Variants in IFNGR2 observed in about 807,000 individuals in gnomAD.
IFNGR2 encodes IFN-gamma receptor 2.
IFNGR2 carries 15 observed loss-of-function variants against 41.1 expected under a neutral mutation model. The ratio of observed to expected loss-of-function variants is 0.37; its 90% CI spans 0.24 to 0.56. The LOEUF (loss-of-function observed/expected upper bound fraction) is 0.56, where lower values mean the gene tolerates loss of function less well. Among genes scored for constraint, IFNGR2 ranks in the 20% least tolerant of loss-of-function variants. The pLI is 0.81. For synonymous variants in IFNGR2, 161 were observed against 171.6 expected (o/e 0.94, Z 0.48); for missense variants, 362 against 415.7 (o/e 0.87, Z 1.12).
Position 33,437,084 on chromosome 21 carries a change from C to A in IFNGR2, c.*122C>A. ...TTTTGCTGCCTCTAAAAGGCCTGTC[C>A]CTGCAGACATGAGAGACAGCAGGTC... is the stretch of plus-strand genomic sequence containing the variant. On this transcript the variant is annotated 3_prime_UTR_variant, in exon 7 of 7. Transcript: ENST00000290219. 1 of 950,082 alleles carries A rather than the reference C, an allele frequency of 1.1e-6. No individual in the cohort carries two copies. Among genetic ancestry groups the A allele is most frequent in the Non-Finnish European group, 1.7e-6 (1 of 602,692 alleles). 58.9% of individuals were successfully genotyped at this position (950,082 alleles called of 1,614,324 possible).
chr21:33,430,174 C>T (rs1231551048), intron 4 of IFNGR2, among the ~76,000 whole-genome samples: 1 of 152,152 alleles, frequency 6.6e-6, no homozygotes, highest in African/African-American at 2.4e-5. Context: ...CACAAATTCC[C>T]AGATGTCAGC....
chr21:33,431,752 G>GA (rs2083890132), intron 4 of IFNGR2, among the ~76,000 whole-genome samples: 1 of 152,138 alleles, frequency 6.6e-6, no homozygotes, highest in African/African-American at 2.4e-5. Flanking sequence ...TGTACTTTTA[G>GA]TAGAGACTGG....
intron 1 of IFNGR2, among the ~76,000 whole-genome samples, chr21:33,407,851 C>CA (rs973188989): frequency 4.2e-5 from 6 of 141,946 alleles, no homozygotes; most frequent in Middle Eastern, 3.6e-3. Context: ...ACCGCACCCC[C>CA]CCCCGCCAAC....
intron 6 of IFNGR2, among the ~76,000 whole-genome samples, chr21:33,433,511 T>G (rs1439834408): frequency 6.6e-6 from 1 of 152,154 alleles, no homozygotes; most frequent in African/African-American, 2.4e-5. Flanking sequence ...AGTAGGGCAG[T>G]CACAAAAGGA....
chr21:33,418,146 T>C (rs2083766659), intron 2 of IFNGR2, among the ~76,000 whole-genome samples: 2 of 152,132 alleles, frequency 1.3e-5, no homozygotes, highest in Non-Finnish European at 1.5e-5. Flanking sequence ...AGCCTCCGCC[T>C]CGTGGGTTCA....
intron 1 of IFNGR2, among the ~76,000 whole-genome samples, chr21:33,413,867 CTG>C (rs1195297254): frequency 8.4e-6 from 1 of 118,814 alleles, no homozygotes; most frequent in African/African-American, 3.2e-5. Flanking sequence ...GAGTCTCTCT[CTG>C]TCGCCCAGAC....
intron 1 of IFNGR2, among the ~76,000 whole-genome samples, chr21:33,405,743 AAGTG>A (rs2083673173): frequency 6.6e-6 from 1 of 152,160 alleles, no homozygotes; most frequent in African/African-American, 2.4e-5. Context: ...AAATTTTAAA[AAGTG>A]AGGCCAGGCT....
At chr21:33,427,169 C>G (rs1407480777) in intron 4 of IFNGR2, 137 bp downstream of exon 4, 8 of 807,376 alleles carry the variant, frequency 9.9e-6, no homozygotes, top group Admixed American at 2.0e-5. Context: ...GAGCCCTGAG[C>G]CTGTTTTCAT....
chr21:33,432,064 T>C, intron 4 of IFNGR2, 113 bp from the exon 5 acceptor site: 3 of 998,800 alleles, frequency 3.0e-6, no homozygotes, highest in Non-Finnish European at 4.8e-6. Context: ...AAAAATGGCA[T>C]CTTGTTCTTC....
At chr21:33,427,841 C>CTTTTTTTTTTTT (rs2083851840) in intron 4 of IFNGR2, among the ~76,000 whole-genome samples, 5 of 116,906 alleles carry the variant, frequency 4.3e-5, no homozygotes, top group African/African-American at 1.4e-4. Flanking sequence ...CATCTCATTT[C>CTTTTTTTTTTTT]ATCTTTTTTT....
intron 1 of IFNGR2, 63 bp downstream of exon 1, chr21:33,403,679 G>T: frequency 8.5e-7 from 1 of 1,172,548 alleles, no homozygotes; most frequent in South Asian, 2.4e-5. Flanking sequence ...GGGGGCTGGG[G>T]GACTCCCGGA....
intron 6 of IFNGR2, among the ~76,000 whole-genome samples, chr21:33,436,283 C>T (rs1217285496): frequency 6.6e-6 from 1 of 151,368 alleles, no homozygotes; most frequent in Non-Finnish European, 1.5e-5. Flanking sequence ...GAGATGAGAT[C>T]GTGTCATTGC....
At chr21:33,419,465 G>T (rs1395197827) in intron 2 of IFNGR2, among the ~76,000 whole-genome samples, 1 of 151,850 alleles carries the variant, frequency 6.6e-6, no homozygotes, top group Non-Finnish European at 1.5e-5. Context: ...AAAATTGTGT[G>T]TGTGTGTGTG....
chr21:33,411,756 C>G (rs541339275), intron 1 of IFNGR2, among the ~76,000 whole-genome samples: 187 of 152,276 alleles, frequency 1.2e-3, no homozygotes, highest in South Asian at 2.7e-3. Flanking sequence ...GGAGTGGCCT[C>G]TAGAAGCTGG....
intron 1 of IFNGR2, chr21:33,410,924 T>C (rs2083711109): frequency 1.4e-6 from 2 of 1,394,846 alleles, no homozygotes; most frequent in Admixed American, 2.0e-5. Context: ...GTAACCTGTA[T>C]GAAACCTGCA....
At chr21:33,428,365 G>A (rs2083858283) in intron 4 of IFNGR2, among the ~76,000 whole-genome samples, 1 of 151,898 alleles carries the variant, frequency 6.6e-6, no homozygotes, top group Non-Finnish European at 1.5e-5. Context: ...GGAACTACAG[G>A]CCTGTGCCAA....
chr21:33,430,429 T>G (rs1361858967), intron 4 of IFNGR2, among the ~76,000 whole-genome samples: 1 of 152,210 alleles, frequency 6.6e-6, no homozygotes, highest in African/African-American at 2.4e-5. Context: ...ATACAATTAC[T>G]TTTATATTTT....
chr21:33,411,277 T>C (rs2083713666), intron 1 of IFNGR2, among the ~76,000 whole-genome samples: 1 of 152,230 alleles, frequency 6.6e-6, no homozygotes, highest in South Asian at 2.1e-4. Context: ...GATGCCCTTT[T>C]GCTGTTCCAC....
chr21:33,421,915 GTT>G (rs1031157766), intron 3 of IFNGR2, among the ~76,000 whole-genome samples: 6 of 152,160 alleles, frequency 3.9e-5, no homozygotes, highest in African/African-American at 1.4e-4. Context: ...CCCACCACTT[GTT>G]TTTGTAAATA....
Sources: allele counts gnomAD v4.1 joint callset (sites outside exome capture counted in the v4.1 genomes callset), GRCh38; gene constraint gnomAD v4.1.1; transcripts MANE v1.5; gene names NCBI Gene and HGNC (gene_info 2026-07-23, HGNC 2026-07-21).